Variants in PARP8 observed in about 807,000 individuals in gnomAD.
The protein encoded by PARP8 is protein mono-ADP-ribosyltransferase PARP8.
In PARP8, 51 loss-of-function variants were observed where a neutral mutation model predicts 124.1. The observed-to-expected ratio is 0.41, with a 90% CI of 0.33 to 0.52. PARP8 has a LOEUF of 0.52. PARP8 is among the 20% of genes least tolerant of loss of function. The pLI is 0.21. For missense variants in PARP8, 860 were observed against 1,018.9 expected (o/e 0.84, Z 2.12); for synonymous variants, 391 against 361.5 (o/e 1.08, Z -0.93).
At chr5:50,785,924 C>G (rs1180593442) in intron 9 of PARP8, among the ~76,000 whole-genome samples, 1 of 152,160 alleles carries the variant, frequency 6.6e-6, no homozygotes, top group Non-Finnish European at 1.5e-5. Context: ...CATTTGCACA[C>G]TAGTCTCTGT....
intron 2 of PARP8, among the ~76,000 whole-genome samples, chr5:50,747,690 T>C (rs1758741446): frequency 6.6e-6 from 1 of 151,610 alleles, no homozygotes; most frequent in African/African-American, 2.4e-5. Flanking sequence ...GTGTATCTTT[T>C]CCATTCTTTA....
intron 10 of PARP8, among the ~76,000 whole-genome samples, chr5:50,793,686 T>C (rs13176737): frequency 0.047 from 7,217 of 152,304 alleles, 243 homozygotes; most frequent in Middle Eastern, 0.099. Context: ...TGTTTTCTTT[T>C]TATGTATGAT....
At chr5:50,839,303 A>G (rs1262270365) in intron 25 of PARP8, among the ~76,000 whole-genome samples, 2 of 151,940 alleles carry the variant, frequency 1.3e-5, no homozygotes, top group African/African-American at 4.8e-5. Context: ...ACCCAGTCCA[A>G]TGTATCATCT....
In PARP8 at chr5:50,728,486, A is replaced by G. The variant is rs1213497471; in HGVS notation, c.147-21665A>G. On this transcript the variant is annotated intron_variant, in intron 2 of 25. Coordinates refer to ENST00000281631, the MANE Select transcript of PARP8 (RefSeq NM_024615.4). ...AGTGCAACTTAATTTGCAGTTTATC[A>G]ATCTGTCTATTGTTATGGTGGGCCC... is the stretch of plus-strand genomic sequence containing the variant. Among the ~76,000 whole-genome samples the G allele has an allele frequency of 2.0e-5, 3 of 152,112 alleles. No homozygotes were observed. The South Asian group carries it at 6.2e-4, about 31-fold the overall frequency.
chr5:50,733,418 A>G (rs1757177520), intron 2 of PARP8, among the ~76,000 whole-genome samples: 1 of 152,184 alleles, frequency 6.6e-6, no homozygotes. Context: ...ATAGTTTTTT[A>G]AAAATACTTT....
chr5:50,824,459 A>G (rs1355634002), intron 17 of PARP8, among the ~76,000 whole-genome samples: 1 of 152,186 alleles, frequency 6.6e-6, no homozygotes, highest in African/African-American at 2.4e-5. Flanking sequence ...AAAGGCAAGG[A>G]AAAGAAGATG....
intron 2 of PARP8, among the ~76,000 whole-genome samples, chr5:50,693,706 A>G (rs1452736757): frequency 1.3e-5 from 2 of 150,876 alleles, no homozygotes; most frequent in East Asian, 1.9e-4. Context: ...TAATCATTTG[A>G]TTGAATTATA....
Position 50,760,298 on chromosome 5 carries a change from G to A in PARP8, c.281G>A (p.Arg94Lys). 1 of 1,506,434 alleles carries A rather than the reference G, an allele frequency of 6.6e-7. No homozygotes were observed. The highest frequency in any genetic ancestry group is 1.4e-5 in the African/African-American group (1 of 70,728). The allele number at this position is 1,506,434 out of a possible 1,614,324, so 93.3% of individuals were successfully genotyped here. Residue 94 changes from arginine to lysine, a missense_variant, in exon 5 of 26, where the codon AGA becomes AAA. Physicochemically the swap from Arg to Lys is conservative, Grantham distance 26 (BLOSUM62 2). Coordinates refer to ENST00000281631, the MANE Select transcript of PARP8 (RefSeq NM_024615.4). ...AATTACAACTTTCTTTCAGAATTAA[G>A]AAAAACAAATGACATTAACTGTTGC... Reference protein sequence around the residue: ...VIFHRIATELRKTNDINCCLS... With the variant: ...VIFHRIATELKKTNDINCCLS...
chr5:50,816,123 A>C (rs1314464559), intron 15 of PARP8, among the ~76,000 whole-genome samples: 1 of 152,200 alleles, frequency 6.6e-6, no homozygotes, highest in African/African-American at 2.4e-5. Flanking sequence ...ACATATATGC[A>C]GTGCTATAAC....
chr5:50,730,163 G>A (rs1471351531), intron 2 of PARP8, among the ~76,000 whole-genome samples: 1 of 152,134 alleles, frequency 6.6e-6, no homozygotes, highest in Non-Finnish European at 1.5e-5. Context: ...TCAGATTTTA[G>A]GAGAATTTTA....
intron 14 of PARP8, among the ~76,000 whole-genome samples, chr5:50,802,470 C>T (rs1465716210): frequency 6.6e-6 from 1 of 152,032 alleles, no homozygotes; most frequent in Admixed American, 6.6e-5. Flanking sequence ...AGGCACAAGC[C>T]ACTATGCCTG....
intron 2 of PARP8, among the ~76,000 whole-genome samples, chr5:50,683,346 C>A (rs1751498970): frequency 6.6e-6 from 1 of 152,092 alleles, no homozygotes; most frequent in Admixed American, 6.5e-5. Context: ...GCAGTTAACT[C>A]CCAGGAGACA....
intron 7 of PARP8, among the ~76,000 whole-genome samples, chr5:50,771,908 A>T (rs1296475586): frequency 6.6e-6 from 1 of 152,176 alleles, no homozygotes; most frequent in South Asian, 2.1e-4. Context: ...AATATATATC[A>T]TACTAGTGTT....
intron 1 of PARP8, chr5:50,667,817 C>T (rs1323712211): frequency 5.4e-6 from 6 of 1,109,134 alleles, no homozygotes; most frequent in Middle Eastern, 2.8e-4. Context: ...CTGCTTCCGG[C>T]CTCCCCTATC....
At chr5:50,704,994 A>C (rs1200862226) in intron 2 of PARP8, among the ~76,000 whole-genome samples, 1 of 152,222 alleles carries the variant, frequency 6.6e-6, no homozygotes, top group East Asian at 1.9e-4. Flanking sequence ...GAAAGCTTTA[A>C]TATTGCATGT....
At chr5:50,802,115 A>G (rs1273709165) in intron 14 of PARP8, among the ~76,000 whole-genome samples, 1 of 152,046 alleles carries the variant, frequency 6.6e-6, no homozygotes, top group Non-Finnish European at 1.5e-5. Context: ...CTATTTTGCA[A>G]TTCATTTTCT....
In PARP8 at chr5:50,815,518, A is replaced by G; in HGVS notation, c.1662A>G (p.Gly554=). ...MNEAADEIAT[G]AQVVDLLVSM... Reference sequence around the variant, plus strand: ...AAGCTGCTGATGAAATAGCAACTGGAGCTCAGGTAGTAACACAGGATACTA... The same window carrying G: ...AAGCTGCTGATGAAATAGCAACTGGGGCTCAGGTAGTAACACAGGATACTA... Residue 554 remains glycine, a synonymous_variant, in exon 15 of 26, where the codon GGA becomes GGG. Transcript: ENST00000281631. 6.3e-7 allele frequency: 1 copy of G among 1,589,020 alleles called. No individual in the cohort carries two copies. The highest frequency in any genetic ancestry group is 8.6e-7 in the Non-Finnish European group (1 of 1,169,052).
chr5:50,670,324 T>C (rs1272468468), intron 2 of PARP8, among the ~76,000 whole-genome samples: 2 of 152,216 alleles, frequency 1.3e-5, no homozygotes, highest in African/African-American at 4.8e-5. Flanking sequence ...TACCATTTCA[T>C]CTAACCATTA....
chr5:50,745,307 A>G (rs1432759605), intron 2 of PARP8, among the ~76,000 whole-genome samples: 2 of 152,212 alleles, frequency 1.3e-5, no homozygotes, highest in Admixed American at 1.3e-4. Context: ...TGAGTTTTCC[A>G]GAGAACATTC....
Sources: allele counts gnomAD v4.1 joint callset (sites outside exome capture counted in the v4.1 genomes callset), GRCh38; gene constraint gnomAD v4.1.1; transcripts MANE v1.5; gene names NCBI Gene and HGNC (gene_info 2026-07-23, HGNC 2026-07-21).